Variants in ZNF385D observed in about 807,000 individuals in gnomAD.
ZNF385D encodes the protein zinc finger protein 659.
In ZNF385D, 15 loss-of-function variants were observed where a neutral mutation model predicts 35.8. That is an observed-to-expected ratio of 0.42 (90% CI 0.28 to 0.64). ZNF385D has a LOEUF of 0.64. Among genes scored for constraint, ZNF385D ranks in the 30% least tolerant of loss-of-function variants. ZNF385D has a pLI of 0.23. For missense variants in ZNF385D, 474 were observed against 494.6 expected (o/e 0.96, Z 0.39); for synonymous variants, 212 against 186.8 (o/e 1.13, Z -1.10).
chr3:21,627,246 G>GGTGGGTGT (rs1553626099), intron 2 of ZNF385D, among the ~76,000 whole-genome samples: 2 of 139,424 alleles, frequency 1.4e-5, no homozygotes, highest in African/African-American at 5.5e-5. Context: ...AGAGGTGTAG[G>GGTGGGTGT]GTGTGTGTGT....
intron 2 of ZNF385D, among the ~76,000 whole-genome samples, chr3:22,349,728 A>G (rs978306838): frequency 1.3e-5 from 2 of 152,160 alleles, no homozygotes; most frequent in African/African-American, 4.8e-5. Flanking sequence ...ATGAATTTTT[A>G]TGCAGTTTCC....
intron 3 of ZNF385D, among the ~76,000 whole-genome samples, chr3:21,959,604 G>C (rs1702472323): frequency 6.6e-6 from 1 of 152,112 alleles, no homozygotes; most frequent in East Asian, 1.9e-4. Context: ...AAGTTGTTCA[G>C]ACACAATGCA....
At chr3:22,290,414 T>A (rs989385053) in intron 2 of ZNF385D, among the ~76,000 whole-genome samples, 1 of 152,096 alleles carries the variant, frequency 6.6e-6, no homozygotes, top group Admixed American at 6.5e-5. Context: ...CACCTTTTCC[T>A]CTCATTGAGA....
chr3:21,865,336 A>AT (rs1219919429), intron 3 of ZNF385D, among the ~76,000 whole-genome samples: 1 of 151,922 alleles, frequency 6.6e-6, no homozygotes, highest in Non-Finnish European at 1.5e-5. Flanking sequence ...GACTTATTGG[A>AT]TACAGGTCTG....
At chr3:21,738,731 GA>G (rs199599587) in intron 1 of ZNF385D, among the ~76,000 whole-genome samples, 1,647 of 152,192 alleles carry the variant, frequency 0.011, 24 homozygotes, top group Non-Finnish European at 0.014. Context: ...TCCCCTTTCA[GA>G]AGGCTTTAAC....
chr3:21,807,581 G>A (rs1330736421), intron 3 of ZNF385D, among the ~76,000 whole-genome samples: 1 of 151,956 alleles, frequency 6.6e-6, no homozygotes, highest in African/African-American at 2.4e-5. Context: ...ATACAATAGT[G>A]AATATATTCT....
intron 3 of ZNF385D, among the ~76,000 whole-genome samples, chr3:21,756,775 C>T (rs1292196181): frequency 6.6e-6 from 1 of 152,122 alleles, no homozygotes; most frequent in East Asian, 1.9e-4. Flanking sequence ...CTACTTTAAG[C>T]CTGAGTTGGC....
chr3:21,761,360 A>G (rs1359336032), intron 3 of ZNF385D, among the ~76,000 whole-genome samples: 1 of 152,216 alleles, frequency 6.6e-6, no homozygotes, highest in Non-Finnish European at 1.5e-5. Context: ...TATTTTTTAC[A>G]CATCAATAGA....
chr3:21,488,148 A>G lies in ZNF385D; in HGVS notation c.439+22713T>C, dbSNP rs151108009. Among the ~76,000 whole-genome samples, 563 of 151,964 alleles carry G rather than the reference A, an allele frequency of 3.7e-3. 5 individuals carry two copies. Among genetic ancestry groups the G allele is most frequent in the African/African-American group, 0.013 (519 of 41,466 alleles). ...AACTATTTGAAACAGGGATAAAATT[A>G]TATGTCTCGTTCCTTTCTTGTGCTT... On this transcript the variant is annotated intron_variant, in intron 4 of 7. Transcript: ENST00000281523.
chr3:22,337,828 G>C (rs1486147043), intron 2 of ZNF385D, among the ~76,000 whole-genome samples: 4 of 152,232 alleles, frequency 2.6e-5, no homozygotes, highest in African/African-American at 7.2e-5. Context: ...TGAGAGGACA[G>C]AACAGGAGCT....
intron 2 of ZNF385D, among the ~76,000 whole-genome samples, chr3:21,634,706 T>C (rs528563052): frequency 1.3e-5 from 2 of 152,214 alleles, no homozygotes; most frequent in East Asian, 1.9e-4. Flanking sequence ...TGTTTTGTTA[T>C]TGTTATGTTT....
intron 2 of ZNF385D, among the ~76,000 whole-genome samples, chr3:21,654,203 C>T (rs1161395881): frequency 6.6e-6 from 1 of 151,916 alleles, no homozygotes; most frequent in African/African-American, 2.4e-5. Context: ...AATTCTTTGA[C>T]AGGTCCTTGA....
At chr3:21,919,936 G>A (rs933665868) in intron 3 of ZNF385D, among the ~76,000 whole-genome samples, 11 of 152,226 alleles carry the variant, frequency 7.2e-5, no homozygotes, top group Non-Finnish European at 1.5e-4. Context: ...CTTACTCTAA[G>A]CTCCCTCTAT....
chr3:22,244,304 A>T (rs1699649136), intron 2 of ZNF385D, among the ~76,000 whole-genome samples: 1 of 138,420 alleles, frequency 7.2e-6, no homozygotes, highest in Admixed American at 7.9e-5. Context: ...GGAGAGTTTT[A>T]AGATAAACTC....
intron 3 of ZNF385D, among the ~76,000 whole-genome samples, chr3:21,970,202 C>T (rs557732312): frequency 2.6e-5 from 4 of 152,174 alleles, no homozygotes; most frequent in East Asian, 3.9e-4. Flanking sequence ...TCCAGGAAAA[C>T]GTGACTTCAC....
chr3:21,923,669 T>C (rs557008670), intron 3 of ZNF385D, among the ~76,000 whole-genome samples: 2 of 151,036 alleles, frequency 1.3e-5, no homozygotes, highest in South Asian at 4.1e-4. Context: ...TGGAATACTA[T>C]GCAGCCATAA....
At chr3:21,590,553 A>G (rs550241317) in intron 2 of ZNF385D, among the ~76,000 whole-genome samples, 5 of 152,208 alleles carry the variant, frequency 3.3e-5, no homozygotes, top group African/African-American at 4.8e-5. Context: ...TTACACCATA[A>G]AAAATGAATT....
chr3:22,304,147 A>C (rs190944874), intron 2 of ZNF385D, among the ~76,000 whole-genome samples: 1 of 152,342 alleles, frequency 6.6e-6, no homozygotes, highest in Admixed American at 6.5e-5. Flanking sequence ...TCTATTGCAT[A>C]GATCTTCAAG....
chr3:21,575,475 A>G (rs1420794530), intron 2 of ZNF385D, among the ~76,000 whole-genome samples: 2 of 152,238 alleles, frequency 1.3e-5, no homozygotes, highest in East Asian at 3.8e-4. Context: ...TATAACATGT[A>G]TAAGTCGCAT....
Sources: allele counts gnomAD v4.1 joint callset (sites outside exome capture counted in the v4.1 genomes callset), GRCh38; gene constraint gnomAD v4.1.1; transcripts MANE v1.5; gene names NCBI Gene and HGNC (gene_info 2026-07-23, HGNC 2026-07-21).